The following SPSB1 variants were observed in gnomAD, a reference collection of about 807,000 sequenced individuals.
The protein encoded by SPSB1 is splA/ryanodine receptor domain and SOCS box containing 1, also known as SPRY domain-containing SOCS box protein 1.
Under a neutral mutation model 21.2 loss-of-function variants are expected in SPSB1, and 8 were observed. The observed-to-expected ratio is 0.38, with a 90% confidence interval of 0.22 to 0.68. The LOEUF (loss-of-function observed/expected upper bound fraction) is 0.68. Ranked by LOEUF, SPSB1 falls within the 30% of genes least tolerant of loss-of-function variation. The pLI is 0.53. For missense variants in SPSB1, 242 were observed against 377.8 expected, an observed-to-expected ratio of 0.64 and a Z score of 2.98; for synonymous variants, 169 against 161.7, an observed-to-expected ratio of 1.05 and a Z score of -0.34.
intron 2 of SPSB1, among the ~76,000 whole-genome samples, chr1:9,365,954 T>C (rs1314762537): frequency 6.6e-6 from 1 of 152,190 alleles, no homozygotes; most frequent in Non-Finnish European, 1.5e-5. Context: ...AGGGGTCTGC[T>C]CTGGCGAAGC....
intron 2 of SPSB1, among the ~76,000 whole-genome samples, chr1:9,358,805 G>A (rs1479610999): frequency 6.6e-6 from 1 of 152,138 alleles, no homozygotes; most frequent in Non-Finnish European, 1.5e-5. Context: ...ACAGCTTCAC[G>A]GTTATGTATC....
rs1324543272 is a variant in SPSB1, at chr1:9,324,827, T to C, written c.-149-30916T>C. On this transcript the variant is annotated intron_variant, in intron 1 of 2. Transcript: ENST00000328089. The surrounding 1 kb of genome is among the most constrained non-coding windows in gnomAD (Gnocchi z 4.3). ...GAGCCAACACTGGGCCAGACAGTCG[T>C]GTTTGCGACAAGTCTGTTCGCCTGG... Among the ~76,000 whole-genome samples, 1 of 152,080 alleles carries C rather than the reference T, an allele frequency of 6.6e-6. No individual in the cohort carries two copies. Among genetic ancestry groups the C allele is most frequent in the Non-Finnish European group, 1.5e-5 (1 of 67,984 alleles).
rs2100526567 is a variant in SPSB1, at chr1:9,367,612, G to A, written c.*37G>A. The A allele has an allele frequency of 6.4e-7, 1 of 1,558,146 alleles. No homozygotes were observed. The highest frequency in any genetic ancestry group is 8.7e-7 in the Non-Finnish European group (1 of 1,149,836). On this transcript the variant is annotated 3_prime_UTR_variant, in exon 3 of 3. Coordinates refer to ENST00000328089, the MANE Select transcript of SPSB1 (RefSeq NM_025106.4). This position sits in a 1 kb window ranked among gnomAD's most constrained non-coding sequence, Gnocchi z 5.9. ...ATACCGCCAGCGCGACAGCCACCTG[G>A]TGCCAACTCACTGAGCCGCCTGCCG...
intron 1 of SPSB1, among the ~76,000 whole-genome samples, chr1:9,322,537 A>G (rs1034276983): frequency 1.6e-4 from 24 of 152,118 alleles, no homozygotes; most frequent in African/African-American, 5.8e-4. Context: ...TTGAGGAGGG[A>G]TGGCAATCAT....
intron 1 of SPSB1, among the ~76,000 whole-genome samples, chr1:9,322,223 T>C (rs115911032): frequency 1.3e-3 from 204 of 152,188 alleles, no homozygotes; most frequent in African/African-American, 4.5e-3. Flanking sequence ...TCAGGCTGAG[T>C]AGAGTACCAG....
At chr1:9,359,853 G>A (rs935316178) in intron 2 of SPSB1, among the ~76,000 whole-genome samples, 1 of 150,390 alleles carries the variant, frequency 6.6e-6, no homozygotes, top group Admixed American at 6.6e-5. Flanking sequence ...AAGCCGGGGG[G>A]GTGGGTGGCG....
chr1:9,328,416 GT>G (rs890134847), intron 1 of SPSB1, among the ~76,000 whole-genome samples: 1 of 152,184 alleles, frequency 6.6e-6, no homozygotes, highest in Non-Finnish European at 1.5e-5. Context: ...ATGCTGATGC[GT>G]TTGTGACTCT....
intron 1 of SPSB1, among the ~76,000 whole-genome samples, chr1:9,312,099 T>C (rs185823624): frequency 2.0e-5 from 3 of 152,308 alleles, no homozygotes; most frequent in African/African-American, 7.2e-5. Flanking sequence ...CTCCTCAGCC[T>C]CCTGAGTAGC....
chr1:9,311,702 A>G (rs1009446539), intron 1 of SPSB1, among the ~76,000 whole-genome samples: 4 of 151,986 alleles, frequency 2.6e-5, no homozygotes, highest in Admixed American at 2.0e-4. Context: ...AAGGGTCAGC[A>G]CCCAGGATGT....
intron 1 of SPSB1, among the ~76,000 whole-genome samples, chr1:9,352,212 G>A (rs1409450817): frequency 6.6e-6 from 1 of 152,236 alleles, no homozygotes; most frequent in African/African-American, 2.4e-5. Flanking sequence ...AGGAGAGGTT[G>A]TGGAGCCGAC....
chr1:9,332,366 G>C (rs1445430400), intron 1 of SPSB1, among the ~76,000 whole-genome samples: 6 of 152,190 alleles, frequency 3.9e-5, no homozygotes, highest in Non-Finnish European at 7.3e-5. Flanking sequence ...CGCTAATGTG[G>C]GAAGCCAAGA....
chr1:9,301,536 G>C (rs953390606), intron 1 of SPSB1, among the ~76,000 whole-genome samples: 1 of 147,372 alleles, frequency 6.8e-6, no homozygotes, highest in Non-Finnish European at 1.5e-5. Context: ...GATGTATGTG[G>C]ATAGACCTGA....
intron 1 of SPSB1, among the ~76,000 whole-genome samples, chr1:9,351,036 G>A (rs1039471161): frequency 4.6e-5 from 7 of 152,236 alleles, no homozygotes; most frequent in Non-Finnish European, 7.3e-5. Context: ...CCTGTCCTGA[G>A]CGCCATGTCC....
At chr1:9,307,587 A>G (rs560111346) in intron 1 of SPSB1, among the ~76,000 whole-genome samples, 5 of 152,328 alleles carry the variant, frequency 3.3e-5, no homozygotes, top group African/African-American at 1.2e-4. Context: ...GTCCTGGCTC[A>G]GTTGTAGAGG....
chr1:9,299,501 G>A (rs1639290134), intron 1 of SPSB1, among the ~76,000 whole-genome samples: 1 of 151,754 alleles, frequency 6.6e-6, no homozygotes, highest in Admixed American at 6.6e-5. Context: ...TTTTTGAGAT[G>A]GATTTTTTGC....
Position 9,311,740 on chromosome 1 carries a change from C to T in SPSB1, c.-150+18669C>T, listed in dbSNP as rs188048364. 3.5e-3 allele frequency among the ~76,000 whole-genome samples: 527 copies of T among 152,016 alleles called. 3 individuals are homozygous for T. The highest frequency in any genetic ancestry group is 0.011 in the African/African-American group (475 of 41,466). On this transcript the variant is annotated intron_variant, in intron 1 of 2. Transcript: ENST00000328089. ...CTGCCGGGGGTTGCCGAGTGGTAGA[C>T]GTGAAACGTGGCTTTATCTACCACG... is the stretch of plus-strand genomic sequence containing the variant.
At chr1:9,337,395 C>T (rs1295267616) in intron 1 of SPSB1, among the ~76,000 whole-genome samples, 1 of 152,000 alleles carries the variant, frequency 6.6e-6, no homozygotes, top group East Asian at 1.9e-4. Context: ...AGGGCAGGCA[C>T]CTCACACCTG....
intron 1 of SPSB1, among the ~76,000 whole-genome samples, chr1:9,319,399 C>CTCCTCCCTCCTCCT (rs1553125185): frequency 6.8e-6 from 1 of 146,964 alleles, no homozygotes; most frequent in Non-Finnish European, 1.5e-5. Flanking sequence ...CTTCTCCTCC[C>CTCCTCCCTCCTCCT]TCCTCCCTCC....
intron 1 of SPSB1, among the ~76,000 whole-genome samples, chr1:9,352,869 C>T (rs1364262201): frequency 6.6e-6 from 1 of 151,202 alleles, no homozygotes; most frequent in Non-Finnish European, 1.5e-5. Context: ...CTCTTCCCAC[C>T]TGCTCCCACA....
Sources: gnomAD v4.1 joint callset for allele counts (sites outside exome capture counted in the v4.1 genomes callset) on GRCh38, gnomAD v4.1.1 for gene constraint, Gnocchi (gnomAD v3.1) non-coding constraint, MANE v1.5 for transcripts, NCBI Gene and HGNC (gene_info 2026-07-23, HGNC 2026-07-21) for gene names.